The following GJB4 variants were observed in gnomAD, a reference collection of about 807,000 sequenced individuals.
GJB4 encodes the protein gap junction beta-4 protein.
For missense variants in GJB4, 371 were observed against 363.8 expected, an observed-to-expected ratio of 1.02 and a Z score of -0.16; for synonymous variants, 162 against 158.1, an observed-to-expected ratio of 1.02 and a Z score of -0.18.
In GJB4 at chr1:34,761,019, T is replaced by C; in HGVS notation, c.-236T>C. ...CCATCTGTGGACCATTGGGCAGGTA[T>C]CTCTGGGCCTTCACTTACTCTTTGT... On this transcript the variant is annotated 5_prime_UTR_variant, in exon 2 of 2. Transcript: ENST00000339480. This position sits in a 1 kb window ranked among gnomAD's most constrained non-coding sequence, Gnocchi z 4.4. The C allele has an allele frequency of 1.7e-6, 1 of 592,174 alleles. No homozygotes were observed. The highest frequency in any genetic ancestry group is 3.0e-6 in the Non-Finnish European group (1 of 328,598). The allele number at this position is 592,174 out of a possible 1,614,324, so 36.7% of individuals were successfully genotyped here. A position where few individuals can be genotyped will look rare whatever the true frequency, so the allele number is the denominator to read the frequency against.
At position 34,761,764 on chromosome 1, in the gene GJB4, C is replaced by A. The variant is rs765388097; in HGVS notation, c.510C>A (p.Pro170=). The change falls in exon 2 of 2, where the codon CCC becomes CCA. Residue 170 remains proline (P), a synonymous_variant. Transcript: ENST00000339480. This position sits in a 1 kb window ranked among gnomAD's most constrained non-coding sequence, Gnocchi z 4.4. ...RVVACSVEPC[P]HTVDCYISRP... ...TGGCCTGCTCCGTGGAGCCTTGCCC[C>A]CACACTGTGGACTGTTACATCTCCC... The A allele has an allele frequency of 2.0e-5, 32 of 1,614,100 alleles. No individual in the cohort carries two copies. In the South Asian group the frequency reaches 3.5e-4, roughly 18 times the overall value.
chr1:34,762,151 G>A lies in GJB4; in HGVS notation c.*96G>A. The A allele has an allele frequency of 1.6e-6, 2 of 1,260,148 alleles. No individual in the cohort carries two copies. The highest frequency in any genetic ancestry group is 1.3e-5 in the South Asian group (1 of 77,536). The allele number at this position is 1,260,148 out of a possible 1,614,324, so 78.1% of individuals were successfully genotyped here. A position where few individuals can be genotyped will look rare whatever the true frequency, so the allele number is the denominator to read the frequency against. On this transcript the variant is annotated 3_prime_UTR_variant, in exon 2 of 2. Transcript: ENST00000339480. ...AGTGGCATCCTTGCCGTAGCAGGGT[G>A]GTGAGGAGGGTGGCTGTGGGGGCTC...
In GJB4 at chr1:34,761,604, A is replaced by G. The variant is rs1639716756; in HGVS notation, c.350A>G (p.Tyr117Cys). 1 of 1,614,212 alleles carries G rather than the reference A, an allele frequency of 6.2e-7. No individual in the cohort carries two copies. Among genetic ancestry groups the G allele is most frequent in the Non-Finnish European group, 8.5e-7 (1 of 1,180,034 alleles). The change falls in exon 2 of 2, where the codon TAC (tyrosine) becomes TGC (cysteine). Residue 117 changes from tyrosine (Y) to cysteine (C), a missense_variant. Tyr to Cys is a radical substitution (Grantham distance 194). Transcript: ENST00000339480. This position sits in a 1 kb window ranked among gnomAD's most constrained non-coding sequence, Gnocchi z 4.4. ...LKHGPNAPSLYDNLSKKRGGL... is the reference protein window; with the variant it reads ...LKHGPNAPSLCDNLSKKRGGL... ...CACGGGCCCAATGCCCCGTCCCTGT[A>G]CGACAACCTGAGCAAGAAGCGGGGC...
At chr1:34,760,161 G>T (rs777793873) in intron 1 of GJB4, among the ~76,000 whole-genome samples, 1 of 152,108 alleles carries the variant, frequency 6.6e-6, no homozygotes, top group Non-Finnish European at 1.5e-5. Flanking sequence ...GGGTACAGGC[G>T]ATGCCTCTTG....
Position 34,761,693 on chromosome 1 carries a change from T to C in GJB4, c.439T>C (p.Tyr147His), listed in dbSNP as rs1639720079. Reference sequence around the variant, plus strand: ...GGCCGCCGTGGATGCTGGCTTCCTCTATATCTTCCACCGCCTCTACAAGGA... The same window carrying C: ...GGCCGCCGTGGATGCTGGCTTCCTCCATATCTTCCACCGCCTCTACAAGGA... ...FKAAVDAGFLYIFHRLYKDYD... is the reference protein window; with the variant it reads ...FKAAVDAGFLHIFHRLYKDYD... The change falls in exon 2 of 2, where the codon TAT (tyrosine) becomes CAT (histidine). Residue 147 changes from tyrosine to histidine, a missense_variant. By Grantham distance (83) the Tyr-to-His change is moderately conservative. Coordinates refer to ENST00000339480, the MANE Select transcript of GJB4 (RefSeq NM_153212.3). This position sits in a 1 kb window ranked among gnomAD's most constrained non-coding sequence, Gnocchi z 4.4. 4 of 1,614,048 alleles carry C rather than the reference T, an allele frequency of 2.5e-6. No homozygotes were observed. The African/African-American group carries it at 4.0e-5, about 16-fold the overall frequency.
rs1482170587 is a variant in GJB4 at position 34,761,760 on chromosome 1, GC to G, written c.511del (p.His171ThrfsTer21). On this transcript the variant is annotated frameshift_variant, in exon 2 of 2. Transcript: ENST00000339480. LOFTEE classifies it low-confidence loss of function (END_TRUNC). This position sits in a 1 kb window ranked among gnomAD's most constrained non-coding sequence, Gnocchi z 4.4. ...PRVVACSVEP[C>X]PHTVDCYISR... ...GTGGTGGCCTGCTCCGTGGAGCCTT[GC>G]CCCCACACTGTGGACTGTTACATCT... 1 of 1,614,028 alleles carries G rather than the reference GC, an allele frequency of 6.2e-7. No homozygotes were observed. The highest frequency in any genetic ancestry group is 2.2e-5 in the East Asian group (1 of 44,870).
In GJB4 at chr1:34,761,792, C is replaced by T; in HGVS notation, c.538C>T (p.Pro180Ser). 1 of 1,614,136 alleles carries T rather than the reference C, an allele frequency of 6.2e-7. No homozygotes were observed. Among genetic ancestry groups the T allele is most frequent in the Non-Finnish European group, 8.5e-7 (1 of 1,180,036 alleles). ...PHTVDCYISR[P>S]TEKKVFTYFM... ...CACTGTGGACTGTTACATCTCCCGG[C>T]CCACGGAGAAGAAGGTCTTCACCTA... The change falls in exon 2 of 2, where the codon CCC (proline) becomes TCC (serine). Residue 180 changes from proline to serine, a missense_variant. Physicochemically the swap from Pro to Ser is moderately conservative, Grantham distance 74 (BLOSUM62 -1). Transcript: ENST00000339480. This position sits in a 1 kb window ranked among gnomAD's most constrained non-coding sequence, Gnocchi z 4.4.
Position 34,761,189 on chromosome 1 carries a change from G to A in GJB4, c.-66G>A, listed in dbSNP as rs954286682. On this transcript the variant is annotated 5_prime_UTR_variant, in exon 2 of 2. Transcript: ENST00000339480. The surrounding 1 kb of genome is among the most constrained non-coding windows in gnomAD (Gnocchi z 4.4). ...TTCCCCCAGGCCTCAAGGCTCCCAAGGCCTGAGTGGGCAGGTAGCACCCAG... is the reference window on the plus strand; with the variant it reads ...TTCCCCCAGGCCTCAAGGCTCCCAAAGCCTGAGTGGGCAGGTAGCACCCAG... 1.3e-6 allele frequency: 2 copies of A among 1,550,330 alleles called. No homozygotes were observed. Among genetic ancestry groups the A allele is most frequent in the Admixed American group, 3.4e-5 (2 of 58,118 alleles).
intron 1 of GJB4, 86 bp from the exon 2 acceptor site, chr1:34,760,847 G>A (rs1252441030): frequency 3.1e-6 from 1 of 325,908 alleles, no homozygotes; most frequent in Non-Finnish European, 6.0e-6. Flanking sequence ...CTCTTTAGAA[G>A]ACATGGGCTG....
chr1:34,761,789 C>G lies in GJB4; in HGVS notation c.535C>G (p.Arg179Gly). Reference sequence around the variant, plus strand: ...CCACACTGTGGACTGTTACATCTCCCGGCCCACGGAGAAGAAGGTCTTCAC... The same window carrying G: ...CCACACTGTGGACTGTTACATCTCCGGGCCCACGGAGAAGAAGGTCTTCAC... ...CPHTVDCYIS[R>G]PTEKKVFTYF... The change falls in exon 2 of 2, where the codon CGG becomes GGG. Residue 179 changes from arginine (R) to glycine (G), a missense_variant. Transcript: ENST00000339480. This position sits in a 1 kb window ranked among gnomAD's most constrained non-coding sequence, Gnocchi z 4.4. The G allele has an allele frequency of 3.1e-6, 5 of 1,614,122 alleles. No homozygotes were observed. The highest frequency in any genetic ancestry group is 3.4e-6 in the Non-Finnish European group (4 of 1,180,040).
Position 34,762,225 on chromosome 1 carries a change from C to T in GJB4, c.*170C>T, listed in dbSNP as rs541268278. The T allele has an allele frequency of 2.4e-5, 17 of 700,792 alleles. No individual in the cohort carries two copies. Among genetic ancestry groups the T allele is most frequent in the East Asian group, 1.9e-4 (7 of 36,930 alleles). The allele number at this position is 700,792 out of a possible 1,614,324, so 43.4% of individuals were successfully genotyped here. ...GTGGGAGGTTGGGGGTAGTTTGGTC[C>T]CTGGGTCCTGAGCCTCAGGGGAGGG... is the stretch of plus-strand genomic sequence containing the variant. On this transcript the variant is annotated 3_prime_UTR_variant, in exon 2 of 2. Coordinates refer to ENST00000339480, the MANE Select transcript of GJB4 (RefSeq NM_153212.3).
Position 34,761,219 on chromosome 1 carries a change from A to G in GJB4, c.-36A>G. The G allele has an allele frequency of 6.2e-7, 1 of 1,611,016 alleles. No homozygotes were observed. The highest frequency in any genetic ancestry group is 8.5e-7 in the Non-Finnish European group (1 of 1,177,828). ...GAGTGGGCAGGTAGCACCCAGGTAT[A>G]GACCTTCCACGTGCAGCACCCAGGA... On this transcript the variant is annotated 5_prime_UTR_variant, in exon 2 of 2. It adds an upstream start codon to the 5' untranslated region. Coordinates refer to ENST00000339480, the MANE Select transcript of GJB4 (RefSeq NM_153212.3). This position sits in a 1 kb window ranked among gnomAD's most constrained non-coding sequence, Gnocchi z 4.4.
In GJB4 at chr1:34,762,279, A is replaced by G; in HGVS notation, c.*224A>G. Reference sequence around the variant, plus strand: ...TTGATAGCTACTGGGGATTTTGTATATGGCAACAGTATATGTCAAACCTCT... The same window carrying G: ...TTGATAGCTACTGGGGATTTTGTATGTGGCAACAGTATATGTCAAACCTCT... On this transcript the variant is annotated 3_prime_UTR_variant, in exon 2 of 2. Transcript: ENST00000339480. 1.6e-6 allele frequency: 1 copy of G among 619,784 alleles called. No individual in the cohort carries two copies. The highest frequency in any genetic ancestry group is 3.0e-6 in the Non-Finnish European group (1 of 338,310). The allele number at this position is 619,784 out of a possible 1,614,324, so 38.4% of individuals were successfully genotyped here. A position where few individuals can be genotyped will look rare whatever the true frequency, so the allele number is the denominator to read the frequency against.
Position 34,761,362 on chromosome 1 carries a change from C to G in GJB4, c.108C>G (p.Tyr36Ter). 7 of 1,614,032 alleles carry G rather than the reference C, an allele frequency of 4.3e-6. No individual in the cohort carries two copies. In the Middle Eastern group the frequency reaches 1.2e-3, roughly 266 times the overall value. ...TGTTCATCTTTCGTGTGCTGGTGTACGTGGTGGCAGCGGAGGAGGTGTGGG... is the reference window on the plus strand; with the variant it reads ...TGTTCATCTTTCGTGTGCTGGTGTAGGTGGTGGCAGCGGAGGAGGTGTGGG... ...SVVFIFRVLVYVVAAEEVWDD... is the reference protein window; with the variant it reads ...SVVFIFRVLV The change falls in exon 2 of 2, where the codon TAC (tyrosine) becomes TAG (stop). Residue 36 changes from tyrosine (Y) to a stop codon, truncating the protein, a stop_gained. Transcript: ENST00000339480. LOFTEE classifies it low-confidence loss of function (END_TRUNC). This position sits in a 1 kb window ranked among gnomAD's most constrained non-coding sequence, Gnocchi z 4.4.
In GJB4 at chr1:34,762,042, G is replaced by C; in HGVS notation, c.788G>C (p.Gly263Ala). ...MKAGSAPVDA[G>A]GYP ...GCTGGGTCGGCCCCAGTGGATGCAG[G>C]TGGGTATCCATAACCTGCGAGATCA... The change falls in exon 2 of 2, where the codon GGT becomes GCT. Residue 263 changes from glycine to alanine, a missense_variant. Coordinates refer to ENST00000339480, the MANE Select transcript of GJB4 (RefSeq NM_153212.3). 6.2e-7 allele frequency: 1 copy of C among 1,613,004 alleles called. No individual in the cohort carries two copies. The highest frequency in any genetic ancestry group is 8.5e-7 in the Non-Finnish European group (1 of 1,179,602).
At position 34,761,131 on chromosome 1, in the gene GJB4, A is replaced by G. The variant is rs1216748852; in HGVS notation, c.-124A>G. ...CGGTGATTGTGAAAAGATTTTGTCA[A>G]TCGCACCAGCATTAAGGGTGCCCAT... is the stretch of plus-strand genomic sequence containing the variant. On this transcript the variant is annotated 5_prime_UTR_variant, in exon 2 of 2. Transcript: ENST00000339480. The surrounding 1 kb of genome is among the most constrained non-coding windows in gnomAD (Gnocchi z 4.4). 9.6e-6 allele frequency: 8 copies of G among 834,096 alleles called. No individual in the cohort carries two copies. Among genetic ancestry groups the G allele is most frequent in the East Asian group, 2.6e-5 (1 of 37,944 alleles). The allele number at this position is 834,096 out of a possible 1,614,324, so 51.7% of individuals were successfully genotyped here.
Position 34,761,480 on chromosome 1 carries a change from C to T in GJB4, c.226C>T (p.Leu76Phe), listed in dbSNP as rs1262958386. ...DEFFPVSHVR[L>F]WALQLILVTC... is the part of the protein sequence containing the mutation. ...GTTCTTCCCCGTGTCCCACGTGCGC[C>T]TCTGGGCCCTACAGCTCATCCTGGT... Residue 76 changes from leucine (L) to phenylalanine (F), a missense_variant, in exon 2 of 2, where the codon CTC (leucine) becomes TTC (phenylalanine). Leu to Phe is a conservative substitution (Grantham distance 22). Coordinates refer to ENST00000339480, the MANE Select transcript of GJB4 (RefSeq NM_153212.3). This position sits in a 1 kb window ranked among gnomAD's most constrained non-coding sequence, Gnocchi z 4.4. 6.2e-7 allele frequency: 1 copy of T among 1,614,202 alleles called. No individual in the cohort carries two copies. Among genetic ancestry groups the T allele is most frequent in the South Asian group, 1.1e-5 (1 of 91,084 alleles).
intron 1 of GJB4, among the ~76,000 whole-genome samples, chr1:34,760,697 G>C (rs552571529): frequency 6.6e-6 from 1 of 152,176 alleles, no homozygotes; most frequent in African/African-American, 2.4e-5. Flanking sequence ...TCCCCAACAC[G>C]GGGCCAGGCT....
chr1:34,762,124 G>A lies in GJB4; in HGVS notation c.*69G>A, dbSNP rs1191075015. 5.6e-6 allele frequency: 8 copies of A among 1,437,306 alleles called. No individual in the cohort carries two copies. The highest frequency in any genetic ancestry group is 6.7e-6 in the Non-Finnish European group (7 of 1,042,910). The allele number at this position is 1,437,306 out of a possible 1,614,324, so 89.0% of individuals were successfully genotyped here. A position where few individuals can be genotyped will look rare whatever the true frequency, so the allele number is the denominator to read the frequency against. Reference sequence around the variant, plus strand: ...AGGCCACCCAGGAAAAAAGGCAGGGGCAGTGGCATCCTTGCCGTAGCAGGG... The same window carrying A: ...AGGCCACCCAGGAAAAAAGGCAGGGACAGTGGCATCCTTGCCGTAGCAGGG... On this transcript the variant is annotated 3_prime_UTR_variant, in exon 2 of 2. Coordinates refer to ENST00000339480, the MANE Select transcript of GJB4 (RefSeq NM_153212.3).
Sources: allele counts gnomAD v4.1 joint callset (sites outside exome capture counted in the v4.1 genomes callset), GRCh38; gene constraint gnomAD v4.1.1; non-coding constraint Gnocchi (gnomAD v3.1); transcripts MANE v1.5; gene names NCBI Gene and HGNC (gene_info 2026-07-23, HGNC 2026-07-21).